Variants in GATB observed in about 807,000 individuals in gnomAD.
GATB encodes the protein glutamyl-tRNA(Gln) amidotransferase subunit B, mitochondrial.
Under a neutral mutation model 62.3 loss-of-function variants are expected in GATB, and 39 were observed. The observed-to-expected ratio is 0.63, with a 90% confidence interval of 0.48 to 0.82. GATB has a LOEUF of 0.82. Ranked by LOEUF, GATB falls within the 40% of genes least tolerant of loss-of-function variation. GATB has a pLI of 0.00. For synonymous variants in GATB, 276 were observed against 258.9 expected, an observed-to-expected ratio of 1.07 and a Z score of -0.63; for missense variants, 670 against 684.0, an observed-to-expected ratio of 0.98 and a Z score of 0.23.
rs1261921351 is a variant in GATB at position 151,730,898 on chromosome 4, T to A, written c.328-11360A>T. On this transcript the variant is annotated intron_variant, in intron 2 of 12. Transcript: ENST00000263985. The surrounding 1 kb of genome is among the most constrained non-coding windows in gnomAD (Gnocchi z 4.1). ...ACACTCCCCCAAAATCACACTAGTTTACCAGCAATGAATCCAAATCAAGAA... is the reference window on the plus strand; with the variant it reads ...ACACTCCCCCAAAATCACACTAGTTAACCAGCAATGAATCCAAATCAAGAA... Among the ~76,000 whole-genome samples, 1 of 152,158 alleles carries A rather than the reference T, an allele frequency of 6.6e-6. No individual in the cohort carries two copies. The highest frequency in any genetic ancestry group is 1.5e-5 in the Non-Finnish European group (1 of 68,034).
At chr4:151,736,162 A>G (rs1470614784) in intron 2 of GATB, among the ~76,000 whole-genome samples, 1 of 152,224 alleles carries the variant, frequency 6.6e-6, no homozygotes, top group African/African-American at 2.4e-5. Context: ...GATTCAATTA[A>G]GCTATGGGAT....
intron 9 of GATB, among the ~76,000 whole-genome samples, chr4:151,700,034 G>A (rs1041718525): frequency 8.5e-5 from 13 of 152,156 alleles, no homozygotes; most frequent in Non-Finnish European, 1.9e-4. Context: ...ATTTCAAGTA[G>A]GTTGGAAACT....
rs773361393 is a variant in GATB at position 151,671,136 on chromosome 4, T to TTTG, written c.*35_*37dup. On this transcript the variant is annotated 3_prime_UTR_variant, in exon 13 of 13. Transcript: ENST00000263985. The stretch of plus-strand genomic sequence containing the variant: ...TCCTGTTCCCAGTCAGGCTGCACTG[T>TTTG]TTGTTGTTGTCCCTTGGGCAAGGGG... The TTTG allele has an allele frequency of 6.2e-7, 1 of 1,613,328 alleles. No homozygotes were observed. Among genetic ancestry groups the TTTG allele is most frequent in the Non-Finnish European group, 8.5e-7 (1 of 1,179,480 alleles).
chr4:151,747,970 C>T (rs1301217295), intron 2 of GATB, among the ~76,000 whole-genome samples: 1 of 152,138 alleles, frequency 6.6e-6, no homozygotes, highest in African/African-American at 2.4e-5. Context: ...TGTGAAGGAC[C>T]TCTTCAAGGA....
In GATB at chr4:151,670,597, A is replaced by C. The variant is rs1737831141; in HGVS notation, c.*577T>G. The C allele has an allele frequency of 6.6e-6, 1 of 152,228 alleles. No homozygotes were observed. The highest frequency in any genetic ancestry group is 6.5e-5 in the Admixed American group (1 of 15,278). The allele number at this position is 152,228 out of a possible 1,614,324, so 9.4% of individuals were successfully genotyped here. On this transcript the variant is annotated 3_prime_UTR_variant, in exon 13 of 13. Transcript: ENST00000263985. ...CTTCTACTCAGTCGATAGGTTGATT[A>C]ATTCTAATAATATCCTCCTTCCCCA...
At chr4:151,738,785 T>C (rs1044847170) in intron 2 of GATB, among the ~76,000 whole-genome samples, 1 of 152,200 alleles carries the variant, frequency 6.6e-6, no homozygotes, top group African/African-American at 2.4e-5. Context: ...AAAGGAAAAA[T>C]TCCCCGCTAT....
At chr4:151,739,943 C>A (rs979173731) in intron 2 of GATB, among the ~76,000 whole-genome samples, 7 of 152,114 alleles carry the variant, frequency 4.6e-5, no homozygotes, top group Admixed American at 1.3e-4. Flanking sequence ...TCTACTCTGG[C>A]GACATGATAA....
chr4:151,671,185 GCTT>G lies in GATB; in HGVS notation c.1660_1662del (p.Lys554del), dbSNP rs1254846132. 3.1e-6 allele frequency: 5 copies of G among 1,614,076 alleles called. No homozygotes were observed. In the African/African-American group the frequency reaches 6.7e-5, roughly 22 times the overall value. ...GGATCCCAAACATCTCACAATGACA[GCTT>G]CTTCTCCAGGATCTCCTTTATCATG... is the stretch of plus-strand genomic sequence containing the variant. On this transcript the variant is annotated inframe_deletion, in exon 13 of 13. Coordinates refer to ENST00000263985, the MANE Select transcript of GATB (RefSeq NM_004564.3).
At chr4:151,685,921 C>T (rs1186624535) in intron 10 of GATB, among the ~76,000 whole-genome samples, 8 of 152,054 alleles carry the variant, frequency 5.3e-5, no homozygotes, top group South Asian at 2.1e-4. Flanking sequence ...GGTGTGGTGG[C>T]GGGTGCTTGT....
intron 2 of GATB, among the ~76,000 whole-genome samples, chr4:151,752,560 G>C (rs1739740858): frequency 6.6e-6 from 1 of 152,130 alleles, no homozygotes; most frequent in Admixed American, 6.6e-5. Flanking sequence ...CCAGGGGAAG[G>C]AGAGGCACCA....
intron 2 of GATB, among the ~76,000 whole-genome samples, chr4:151,741,484 A>T (rs533787073): frequency 6.6e-6 from 1 of 152,368 alleles, no homozygotes; most frequent in Non-Finnish European, 1.5e-5. Context: ...CAATAAAAGG[A>T]TGTGGAAATG....
chr4:151,679,902 C>G lies in GATB; in HGVS notation c.1332-11G>C. ...GAGGGTGTGACAGGACTGGTGGCCC[C>G]CAAAAGAGAAAACACATTTACATTG... On this transcript the variant is annotated splice_polypyrimidine_tract_variant and intron_variant, in intron 10 of 12. Coordinates refer to ENST00000263985, the MANE Select transcript of GATB (RefSeq NM_004564.3). 5 of 1,613,600 alleles carry G rather than the reference C, an allele frequency of 3.1e-6. No homozygotes were observed. In the South Asian group the frequency reaches 4.4e-5, roughly 14 times the overall value.
chr4:151,704,596 G>T (rs893526263), intron 7 of GATB, among the ~76,000 whole-genome samples: 3 of 151,348 alleles, frequency 2.0e-5, no homozygotes, highest in Non-Finnish European at 4.4e-5. Flanking sequence ...TGGCACTACA[G>T]GCGCCCGCCA....
At chr4:151,760,521 T>C (rs1739931550) in intron 1 of GATB, among the ~76,000 whole-genome samples, 1 of 152,238 alleles carries the variant, frequency 6.6e-6, no homozygotes, top group African/African-American at 2.4e-5. Context: ...ATTAGTAAGA[T>C]GACCGAATCC....
intron 2 of GATB, among the ~76,000 whole-genome samples, chr4:151,743,257 G>A (rs1208453454): frequency 1.3e-5 from 2 of 152,158 alleles, no homozygotes; most frequent in South Asian, 2.1e-4. Flanking sequence ...GGGGAAATCC[G>A]ATGCACAGGG....
chr4:151,672,688 C>G (rs758842977), intron 12 of GATB, 74 bp downstream of exon 12: 91 of 1,512,752 alleles, frequency 6.0e-5, no homozygotes, highest in Admixed American at 2.8e-4. Flanking sequence ...TGGGCTGCCA[C>G]AGGGAGCGAT....
At chr4:151,751,645 T>G (rs1278019016) in intron 2 of GATB, among the ~76,000 whole-genome samples, 1 of 152,254 alleles carries the variant, frequency 6.6e-6, no homozygotes, top group Non-Finnish European at 1.5e-5. Context: ...TCACAGTTTT[T>G]ATTAAATCAG....
At chr4:151,699,941 G>A (rs934307020) in intron 9 of GATB, among the ~76,000 whole-genome samples, 6 of 152,190 alleles carry the variant, frequency 3.9e-5, no homozygotes, top group Admixed American at 2.0e-4. Flanking sequence ...AATCTTCGAG[G>A]CTGAGTAGCC....
At chr4:151,693,054 G>C (rs1167884126) in intron 9 of GATB, among the ~76,000 whole-genome samples, 1 of 152,224 alleles carries the variant, frequency 6.6e-6, no homozygotes, top group Non-Finnish European at 1.5e-5. Flanking sequence ...CTGAGCATTT[G>C]TGCAGACGCT....
Sources: allele counts gnomAD v4.1 joint callset (sites outside exome capture counted in the v4.1 genomes callset), GRCh38; gene constraint gnomAD v4.1.1; non-coding constraint Gnocchi (gnomAD v3.1); transcripts MANE v1.5; gene names NCBI Gene and HGNC (gene_info 2026-07-23, HGNC 2026-07-21).